Variants in PRKD1 observed in about 807,000 individuals in gnomAD.
PRKD1 encodes the protein protein kinase D1, also known as serine/threonine-protein kinase D1.
In PRKD1, 63 loss-of-function variants were observed where a neutral mutation model predicts 95.9. The observed-to-expected ratio is 0.66, with a 90% confidence interval of 0.54 to 0.81. PRKD1 has a LOEUF of 0.81. Among genes scored for constraint, PRKD1 ranks in the 30% least tolerant of loss-of-function variants. The probability of loss-of-function intolerance (pLI) is 0.00; values close to 1 mark genes in which losing one functional copy is unlikely to be tolerated. For synonymous variants in PRKD1, 425 were observed against 423.1 expected (o/e 1.00, Z -0.05); for missense variants, 1,048 against 1,165.3 (o/e 0.90, Z 1.47).
intron 2 of PRKD1, among the ~76,000 whole-genome samples, chr14:29,689,987 G>A (rs1373657157): frequency 1.2e-4 from 18 of 152,196 alleles, no homozygotes; most frequent in South Asian, 6.2e-4. Flanking sequence ...AGGAGGGAGA[G>A]TATCAGGAAG....
chr14:29,739,424 G>A (rs1959440), intron 1 of PRKD1, among the ~76,000 whole-genome samples: 1 of 151,754 alleles, frequency 6.6e-6, no homozygotes, highest in Non-Finnish European at 1.5e-5. Context: ...TTTAAAAAAC[G>A]GTTTTCCTTC....
intron 6 of PRKD1, 31 bp from the exon 7 acceptor site, chr14:29,636,525 G>A (rs1594383414): frequency 1.2e-6 from 2 of 1,609,712 alleles, no homozygotes; most frequent in Non-Finnish European, 1.7e-6. Flanking sequence ...ATGAAGATAA[G>A]CCTGGAATCT....
rs1322822049 is a variant in PRKD1, at chr14:29,605,189, C to A, written c.1906-5372G>T. The stretch of plus-strand genomic sequence containing the variant: ...CTGGCCTTAGGTCTTCTTCTCCAAT[C>A]CATTCTTCAAAAGGCTGCCACTGTG... On this transcript the variant is annotated intron_variant, in intron 13 of 17. Transcript: ENST00000331968. 2.0e-5 allele frequency among the ~76,000 whole-genome samples: 3 copies of A among 151,818 alleles called. No homozygotes were observed. In the East Asian group the frequency reaches 5.8e-4, roughly 29 times the overall value.
At chr14:29,592,010 C>A (rs898660537) in intron 16 of PRKD1, among the ~76,000 whole-genome samples, 5 of 152,056 alleles carry the variant, frequency 3.3e-5, no homozygotes, top group African/African-American at 1.2e-4. Context: ...AGCTGCCCTT[C>A]CATAGATAAA....
intron 1 of PRKD1, among the ~76,000 whole-genome samples, chr14:29,732,818 T>A (rs990776085): frequency 6.7e-6 from 1 of 150,274 alleles, no homozygotes; most frequent in African/African-American, 2.4e-5. Flanking sequence ...TGTTATCTGT[T>A]CCCCTGTATG....
intron 1 of PRKD1, among the ~76,000 whole-genome samples, chr14:29,886,415 G>C (rs745561996): frequency 6.6e-6 from 1 of 152,164 alleles, no homozygotes; most frequent in Non-Finnish European, 1.5e-5. Flanking sequence ...TAGAACATGA[G>C]AAAATCTCAG....
At chr14:29,680,682 A>G (rs565226648) in intron 2 of PRKD1, among the ~76,000 whole-genome samples, 183 of 152,324 alleles carry the variant, frequency 1.2e-3, no homozygotes, top group African/African-American at 2.2e-3. Flanking sequence ...AAGACATTTA[A>G]GTGTGAAAAC....
intron 1 of PRKD1, among the ~76,000 whole-genome samples, chr14:29,830,761 C>T (rs545461700): frequency 2.6e-5 from 4 of 151,778 alleles, no homozygotes; most frequent in Admixed American, 2.0e-4. Context: ...GGCATGATCA[C>T]GGCTCACTGC....
intron 4 of PRKD1, among the ~76,000 whole-genome samples, chr14:29,650,106 G>A (rs2146127): frequency 0.036 from 5,507 of 151,986 alleles, 285 homozygotes; most frequent in African/African-American, 0.12. Flanking sequence ...CGCCACCTCC[G>A]GTTTTCTTTT....
intron 1 of PRKD1, among the ~76,000 whole-genome samples, chr14:29,792,294 C>T: frequency 6.6e-6 from 1 of 152,152 alleles, no homozygotes; most frequent in East Asian, 1.9e-4. Flanking sequence ...TAGTTTTAAT[C>T]TCAAGAACAG....
chr14:29,924,420 G>A (rs1895226759), intron 1 of PRKD1, among the ~76,000 whole-genome samples: 1 of 152,106 alleles, frequency 6.6e-6, no homozygotes, highest in Non-Finnish European at 1.5e-5. Context: ...GAGTTTCTCA[G>A]GGAAACTTAT....
chr14:29,799,922 T>C (rs778097597), intron 1 of PRKD1, among the ~76,000 whole-genome samples: 1 of 152,170 alleles, frequency 6.6e-6, no homozygotes, highest in Non-Finnish European at 1.5e-5. Flanking sequence ...ATTTTTTGCA[T>C]TTTGTGCTTC....
In PRKD1 at chr14:29,758,438, C is replaced by G. The variant is rs974711039; in HGVS notation, c.265-32764G>C. 3.3e-5 allele frequency among the ~76,000 whole-genome samples: 5 copies of G among 152,264 alleles called. No homozygotes were observed. The East Asian group carries it at 9.7e-4, about 29-fold the overall frequency. On this transcript the variant is annotated intron_variant, in intron 1 of 17. Transcript: ENST00000331968. ...TCAGCAGGAGGTCAGAGAACTCAGGCACCTCTTGTTGATATAACGTAAAGG... is the reference window on the plus strand; with the variant it reads ...TCAGCAGGAGGTCAGAGAACTCAGGGACCTCTTGTTGATATAACGTAAAGG...
intron 1 of PRKD1, among the ~76,000 whole-genome samples, chr14:29,817,444 A>G (rs1890736661): frequency 6.6e-6 from 1 of 152,208 alleles, no homozygotes; most frequent in Non-Finnish European, 1.5e-5. Flanking sequence ...AACTCATACC[A>G]CAAGGGAAAA....
At chr14:29,716,540 G>A (rs1335970868) in intron 2 of PRKD1, among the ~76,000 whole-genome samples, 1 of 152,162 alleles carries the variant, frequency 6.6e-6, no homozygotes, top group Non-Finnish European at 1.5e-5. Context: ...CTCTGAAATA[G>A]AAAGGCCAGA....
intron 1 of PRKD1, among the ~76,000 whole-genome samples, chr14:29,777,418 A>C (rs1042058481): frequency 3.3e-4 from 50 of 152,212 alleles, no homozygotes; most frequent in African/African-American, 1.2e-3. Context: ...GCAGAGATAC[A>C]CATAGGCTCA....
At chr14:29,675,000 T>C (rs745812522) in intron 2 of PRKD1, among the ~76,000 whole-genome samples, 2 of 152,206 alleles carry the variant, frequency 1.3e-5, no homozygotes, top group East Asian at 1.9e-4. Context: ...AATCAGGGTA[T>C]ACCCACTCCA....
At chr14:29,631,796 TTTTA>T (rs58611172) in intron 9 of PRKD1, among the ~76,000 whole-genome samples, 1 of 140,886 alleles carries the variant, frequency 7.1e-6, no homozygotes, top group Non-Finnish European at 1.6e-5. Flanking sequence ...GCGCCTGGCC[TTTTA>T]TTTATTTATT....
chr14:29,629,507 A>T (rs989125256), intron 10 of PRKD1, among the ~76,000 whole-genome samples: 1 of 152,202 alleles, frequency 6.6e-6, no homozygotes, highest in Non-Finnish European at 1.5e-5. Context: ...TTAGCACTAA[A>T]ATAGGCATAT....
Sources: allele counts gnomAD v4.1 joint callset (sites outside exome capture counted in the v4.1 genomes callset), GRCh38; gene constraint gnomAD v4.1.1; transcripts MANE v1.5; gene names NCBI Gene and HGNC (gene_info 2026-07-23, HGNC 2026-07-21).